RABGAP1L: variants seen among roughly 807,000 people sequenced by gnomAD.
RABGAP1L encodes the protein rab GTPase-activating protein 1-like.
A neutral mutation model predicts 137.7 loss-of-function variants in RABGAP1L; 63 were observed. The observed-to-expected ratio is 0.46, with a 90% CI of 0.37 to 0.56. The LOEUF (loss-of-function observed/expected upper bound fraction) is 0.56, where lower values mean the gene tolerates loss of function less well. RABGAP1L is among the 20% of genes least tolerant of loss of function. RABGAP1L has a pLI of 0.00. For synonymous variants in RABGAP1L, 431 were observed against 433.7 expected, an observed-to-expected ratio of 0.99 and a Z score of 0.08; for missense variants, 1,095 against 1,244.0, an observed-to-expected ratio of 0.88 and a Z score of 1.80.
At chr1:174,497,241 A>G (rs1484079912) in intron 13 of RABGAP1L, among the ~76,000 whole-genome samples, 1 of 152,198 alleles carries the variant, frequency 6.6e-6, no homozygotes, top group Non-Finnish European at 1.5e-5. Context: ...ATATCACATT[A>G]ACTTAAATAG....
intron 23 of RABGAP1L, among the ~76,000 whole-genome samples, chr1:174,981,290 G>A (rs1671080763): frequency 6.6e-6 from 1 of 152,138 alleles, no homozygotes; most frequent in Non-Finnish European, 1.5e-5. Context: ...AAGGGTTTAA[G>A]GTTTGCAGAA....
At chr1:174,239,496 T>C (rs1268761128) in intron 4 of RABGAP1L, among the ~76,000 whole-genome samples, 1 of 152,214 alleles carries the variant, frequency 6.6e-6, no homozygotes, top group African/African-American at 2.4e-5. Flanking sequence ...TGTTTCATCT[T>C]AGTAAACATT....
intron 1 of RABGAP1L, among the ~76,000 whole-genome samples, chr1:174,177,917 T>C (rs1666023607): frequency 2.0e-5 from 3 of 152,234 alleles, no homozygotes; most frequent in Admixed American, 1.3e-4. Context: ...GGTAGCATGA[T>C]GCCTCCAGCT....
intron 19 of RABGAP1L, among the ~76,000 whole-genome samples, chr1:174,888,401 T>C (rs1255955428): frequency 6.6e-6 from 1 of 152,240 alleles, no homozygotes; most frequent in Non-Finnish European, 1.5e-5. Flanking sequence ...CAAAGATTTT[T>C]ACAAGTCTTT....
intron 12 of RABGAP1L, 148 bp downstream of exon 12, chr1:174,371,220 T>C (rs2149000001): frequency 2.8e-6 from 1 of 362,840 alleles, no homozygotes; most frequent in Non-Finnish European, 4.8e-6. Flanking sequence ...AACTTAAAAA[T>C]TAAAATATAA....
At chr1:174,321,512 C>G (rs1679982502) in intron 11 of RABGAP1L, among the ~76,000 whole-genome samples, 1 of 152,150 alleles carries the variant, frequency 6.6e-6, no homozygotes. Context: ...CTCTTTTGTA[C>G]TCTTTCCCTT....
chr1:174,389,634 T>TA (rs1300984654), intron 12 of RABGAP1L, among the ~76,000 whole-genome samples: 1 of 152,160 alleles, frequency 6.6e-6, no homozygotes, highest in Non-Finnish European at 1.5e-5. Flanking sequence ...TGTTTGCTTC[T>TA]AAAAAAGCAT....
intron 18 of RABGAP1L, among the ~76,000 whole-genome samples, chr1:174,792,861 G>A (rs538327144): frequency 5.9e-5 from 9 of 152,328 alleles, no homozygotes; most frequent in African/African-American, 1.7e-4. Context: ...AGGCCAGTGC[G>A]GTGGCTCACG....
rs771648806 is a variant in RABGAP1L at position 174,305,015 on chromosome 1, A to T, written c.1353A>T (p.Gly451=). ...AGGGAAAAGGCCATACCAATGCTGG[A>T]GATGCAATATATGAGGTGGTGAGTC... ...QSEGKGHTNA[G]DAIYEVVSLQ... Residue 451 remains glycine (G), a synonymous_variant, in exon 11 of 26, where the codon GGA becomes GGT. Transcript: ENST00000681986. 1.2e-5 allele frequency: 18 copies of T among 1,560,618 alleles called. No individual in the cohort carries two copies. The highest frequency in any genetic ancestry group is 4.0e-5 in the Admixed American group (2 of 50,442).
At chr1:174,443,543 A>G (rs932009290) in intron 13 of RABGAP1L, among the ~76,000 whole-genome samples, 2 of 151,862 alleles carry the variant, frequency 1.3e-5, no homozygotes, top group Non-Finnish European at 2.9e-5. Context: ...GTCTATTCAG[A>G]TCTTTTGCTG....
intron 19 of RABGAP1L, among the ~76,000 whole-genome samples, chr1:174,854,715 CTTTTTTTTTTTTTTTTTTTTTTTT>C (rs71117584): frequency 7.6e-4 from 43 of 56,842 alleles, no homozygotes; most frequent in African/African-American, 9.6e-4. Context: ...AATATAAATG[CTTTTTTTTTTTTTTTTTTTTTTTT>C]TTTTTTTTTT....
intron 14 of RABGAP1L, among the ~76,000 whole-genome samples, chr1:174,664,031 G>A (rs939391559): frequency 6.6e-6 from 1 of 152,076 alleles, no homozygotes; most frequent in Admixed American, 6.6e-5. Flanking sequence ...TTACAGTAAT[G>A]TTGGCCATGA....
intron 11 of RABGAP1L, chr1:174,367,532 C>A: frequency 4.8e-6 from 1 of 208,982 alleles, no homozygotes; most frequent in East Asian, 1.6e-4. Context: ...ATTTCCTCTC[C>A]TGGTAAAACT....
chr1:174,406,582 T>C (rs1649308743), intron 13 of RABGAP1L, among the ~76,000 whole-genome samples: 1 of 152,238 alleles, frequency 6.6e-6, no homozygotes, highest in African/African-American at 2.4e-5. Flanking sequence ...TGCTTAATTA[T>C]ACGACTGCCT....
intron 19 of RABGAP1L, among the ~76,000 whole-genome samples, chr1:174,886,103 T>A (rs1655072752): frequency 6.7e-6 from 1 of 148,192 alleles, no homozygotes; most frequent in African/African-American, 2.5e-5. Context: ...AACCTGTGCC[T>A]CCCAGGTTCA....
At chr1:174,394,335 A>ATT (rs1311034544) in intron 13 of RABGAP1L, among the ~76,000 whole-genome samples, 190 bp downstream of exon 13, 1 of 152,188 alleles carries the variant, frequency 6.6e-6, no homozygotes, top group African/African-American at 2.4e-5. Context: ...ATCTATGAAC[A>ATT]TTGTATGCCT....
At chr1:174,984,188 C>A (rs1671388153) in intron 24 of RABGAP1L, among the ~76,000 whole-genome samples, 1 of 152,118 alleles carries the variant, frequency 6.6e-6, no homozygotes, top group African/African-American at 2.4e-5. Flanking sequence ...AGTCCCCACC[C>A]CCAACAACAG....
chr1:174,201,321 C>G (rs373153065), intron 1 of RABGAP1L, among the ~76,000 whole-genome samples: 2 of 151,060 alleles, frequency 1.3e-5, no homozygotes, highest in East Asian at 3.9e-4. Context: ...CTCAGCCTCC[C>G]GAGTAGCTGG....
chr1:174,858,581 A>G (rs1025084399), intron 19 of RABGAP1L, among the ~76,000 whole-genome samples: 1 of 152,216 alleles, frequency 6.6e-6, no homozygotes, highest in Non-Finnish European at 1.5e-5. Flanking sequence ...GTGTGACTCA[A>G]CTGAGTTCTA....
Sources: gnomAD v4.1 joint callset for allele counts (sites outside exome capture counted in the v4.1 genomes callset) on GRCh38, gnomAD v4.1.1 for gene constraint, MANE v1.5 for transcripts, NCBI Gene and HGNC (gene_info 2026-07-23, HGNC 2026-07-21) for gene names.